LRRTM3: variants seen among roughly 807,000 people sequenced by gnomAD.
LRRTM3 encodes leucine-rich repeat transmembrane neuronal protein 3.
LRRTM3 carries 24 observed loss-of-function variants against 44.7 expected under a neutral mutation model. The observed-to-expected ratio is 0.54, with a 90% CI of 0.39 to 0.76. The LOEUF (loss-of-function observed/expected upper bound fraction) is 0.76, where lower values mean the gene tolerates loss of function less well. Among genes scored for constraint, LRRTM3 ranks in the 30% least tolerant of loss-of-function variants. The probability of loss-of-function intolerance (pLI) is 0.00; values close to 1 mark genes in which losing one functional copy is unlikely to be tolerated. For missense variants in LRRTM3, 587 were observed against 702.2 expected, an observed-to-expected ratio of 0.84 and a Z score of 1.85; for synonymous variants, 277 against 278.7, an observed-to-expected ratio of 0.99 and a Z score of 0.06.
intron 2 of LRRTM3, among the ~76,000 whole-genome samples, chr10:67,016,335 T>A (rs943019074): frequency 6.6e-6 from 1 of 152,192 alleles, no homozygotes; most frequent in Admixed American, 6.5e-5. Flanking sequence ...CCAAATATTT[T>A]ATTTTCTTAA....
chr10:67,017,725 C>G (rs1450850515), intron 2 of LRRTM3, among the ~76,000 whole-genome samples: 2 of 147,892 alleles, frequency 1.4e-5, no homozygotes, highest in African/African-American at 5.0e-5. Flanking sequence ...CAAAAATCAT[C>G]TGTGTGTGTG....
intron 2 of LRRTM3, among the ~76,000 whole-genome samples, chr10:67,067,396 C>A (rs1056633509): frequency 1.5e-4 from 23 of 152,150 alleles, no homozygotes; most frequent in African/African-American, 4.8e-4. Flanking sequence ...TGCTCGTATT[C>A]ACTTTTTCCC....
chr10:66,951,128 T>A (rs1848519273), intron 2 of LRRTM3, among the ~76,000 whole-genome samples: 1 of 151,902 alleles, frequency 6.6e-6, no homozygotes, highest in Non-Finnish European at 1.5e-5. Context: ...CTGTCTTTTT[T>A]TTTTTTTAAG....
intron 2 of LRRTM3, among the ~76,000 whole-genome samples, chr10:66,960,591 CAG>C (rs1218738367): frequency 7.2e-5 from 11 of 152,070 alleles, no homozygotes; most frequent in Non-Finnish European, 8.8e-5. Flanking sequence ...GAGAGAAAAA[CAG>C]AAGACATTTG....
chr10:67,019,015 T>A (rs893958179), intron 2 of LRRTM3, among the ~76,000 whole-genome samples: 2 of 152,218 alleles, frequency 1.3e-5, no homozygotes, highest in Non-Finnish European at 2.9e-5. Flanking sequence ...GAGCAGGAAT[T>A]AGATCTTCTG....
chr10:67,040,730 G>A (rs772458205), intron 2 of LRRTM3, among the ~76,000 whole-genome samples: 6 of 152,120 alleles, frequency 3.9e-5, no homozygotes, highest in Middle Eastern at 3.4e-3. Flanking sequence ...GGTTAACCAA[G>A]ATGTCAGGAA....
At chr10:67,009,854 G>C (rs1242809027) in intron 2 of LRRTM3, among the ~76,000 whole-genome samples, 3 of 152,082 alleles carry the variant, frequency 2.0e-5, no homozygotes, top group Non-Finnish European at 4.4e-5. Flanking sequence ...TTTTGCATCA[G>C]AGACTTTCTA....
At chr10:67,059,636 TC>T (rs1855643720) in intron 2 of LRRTM3, among the ~76,000 whole-genome samples, 1 of 152,178 alleles carries the variant, frequency 6.6e-6, no homozygotes, top group Admixed American at 6.5e-5. Flanking sequence ...TTTGTTCTGA[TC>T]TTGAGAAAGT....
intron 2 of LRRTM3, among the ~76,000 whole-genome samples, chr10:67,001,860 G>T (rs2132988766): frequency 6.6e-6 from 1 of 152,254 alleles, no homozygotes; most frequent in East Asian, 1.9e-4. Flanking sequence ...GTTTAGCCTT[G>T]TCATCATTAC....
intron 2 of LRRTM3, among the ~76,000 whole-genome samples, chr10:66,999,155 A>G (rs1036330632): frequency 2.0e-5 from 3 of 152,112 alleles, no homozygotes; most frequent in African/African-American, 7.2e-5. Context: ...TTTATTTATC[A>G]TTTTCAATTG....
intron 2 of LRRTM3, among the ~76,000 whole-genome samples, chr10:66,930,690 A>T (rs1031446624): frequency 1.3e-5 from 2 of 152,182 alleles, no homozygotes; most frequent in African/African-American, 4.8e-5. Context: ...TGTATTGAAA[A>T]GCATTCCTAA....
At chr10:66,944,383 T>A (rs1426849130) in intron 2 of LRRTM3, among the ~76,000 whole-genome samples, 1 of 152,154 alleles carries the variant, frequency 6.6e-6, no homozygotes, top group Non-Finnish European at 1.5e-5. Flanking sequence ...TCACACTCCA[T>A]CTCTAATTCT....
chr10:67,088,782 C>T (rs891893678), intron 2 of LRRTM3, among the ~76,000 whole-genome samples: 1 of 151,938 alleles, frequency 6.6e-6, no homozygotes, highest in Non-Finnish European at 1.5e-5. Flanking sequence ...TCATTATTCT[C>T]GTTACAGACA....
At chr10:67,059,506 C>T (rs181839130) in intron 2 of LRRTM3, among the ~76,000 whole-genome samples, 3 of 152,126 alleles carry the variant, frequency 2.0e-5, no homozygotes, top group Admixed American at 1.3e-4. Flanking sequence ...TGAAATTTAG[C>T]CATAGAAAAT....
chr10:67,049,908 T>C (rs768454944), intron 2 of LRRTM3, among the ~76,000 whole-genome samples: 1 of 152,220 alleles, frequency 6.6e-6, no homozygotes, highest in Non-Finnish European at 1.5e-5. Context: ...TCTTAGCATA[T>C]GCTGTGTTTC....
At chr10:66,949,915 G>A (rs564888630) in intron 2 of LRRTM3, among the ~76,000 whole-genome samples, 68 of 152,204 alleles carry the variant, frequency 4.5e-4, no homozygotes, top group African/African-American at 1.6e-3. Flanking sequence ...CAGAATCACG[G>A]GCCTAAAGCC....
At chr10:67,094,329 T>C (rs1252172976) in intron 2 of LRRTM3, among the ~76,000 whole-genome samples, 1 of 151,924 alleles carries the variant, frequency 6.6e-6, no homozygotes, top group Non-Finnish European at 1.5e-5. Flanking sequence ...AGCATAGCCT[T>C]TTAATGTCAT....
intron 2 of LRRTM3, among the ~76,000 whole-genome samples, chr10:66,990,423 G>C (rs1850980247): frequency 6.6e-6 from 1 of 152,090 alleles, no homozygotes; most frequent in Non-Finnish European, 1.5e-5. Context: ...ACCCATTATT[G>C]AACATATTTT....
chr10:67,015,373 C>G (rs1852593980), intron 2 of LRRTM3: 1 of 152,098 alleles, frequency 6.6e-6, no homozygotes, highest in Non-Finnish European at 1.5e-5. Flanking sequence ...TAAAGAAGAG[C>G]TCCAGGGTTC....
Sources: allele counts gnomAD v4.1 joint callset (sites outside exome capture counted in the v4.1 genomes callset), GRCh38; gene constraint gnomAD v4.1.1; transcripts MANE v1.5; gene names NCBI Gene and HGNC (gene_info 2026-07-23, HGNC 2026-07-21).